Variants in FMNL2 observed in about 807,000 individuals in gnomAD.
FMNL2 encodes the protein formin like 2, also known as formin-like protein 2.
In FMNL2, 51 loss-of-function variants were observed where a neutral mutation model predicts 130.2. The ratio of observed to expected loss-of-function variants is 0.39; its 90% CI spans 0.31 to 0.49. The LOEUF is 0.49. Ranked by LOEUF, FMNL2 falls within the 20% of genes least tolerant of loss-of-function variation. The probability of loss-of-function intolerance (pLI) is 0.85; values close to 1 mark genes in which losing one functional copy is unlikely to be tolerated. For missense variants in FMNL2, 977 were observed against 1,316.2 expected (o/e 0.74, Z 3.99); for synonymous variants, 465 against 467.1 (o/e 1.00, Z 0.06).
chr2:152,441,635 G>A (rs1048377891), intron 1 of FMNL2, among the ~76,000 whole-genome samples: 1 of 152,080 alleles, frequency 6.6e-6, no homozygotes, highest in Non-Finnish European at 1.5e-5. Context: ...TCGGGAGTTC[G>A]AGAGCAGCTT....
intron 1 of FMNL2, among the ~76,000 whole-genome samples, chr2:152,501,704 AC>A (rs1040478202): frequency 6.7e-6 from 1 of 149,244 alleles, no homozygotes; most frequent in Non-Finnish European, 1.5e-5. Context: ...AATTTGCGTG[AC>A]TTTTTTTTTT....
chr2:152,611,022 T>A (rs1386731936), intron 10 of FMNL2, among the ~76,000 whole-genome samples: 1 of 152,162 alleles, frequency 6.6e-6, no homozygotes. Context: ...CTCTGTGACT[T>A]TTGAATTTAA....
intron 18 of FMNL2, 68 bp downstream of exon 18, chr2:152,628,601 C>T: frequency 7.2e-7 from 1 of 1,390,180 alleles, no homozygotes; most frequent in Non-Finnish European, 1.0e-6. Flanking sequence ...TTTAAAGTCT[C>T]TCCCAGAATC....
intron 1 of FMNL2, among the ~76,000 whole-genome samples, chr2:152,336,252 C>CA (rs1458043883): frequency 6.6e-6 from 1 of 152,116 alleles, no homozygotes; most frequent in Non-Finnish European, 1.5e-5. Context: ...TTGGAGGGCT[C>CA]ACGTCGCGGC....
chr2:152,416,931 G>A (rs1385562822), intron 1 of FMNL2, among the ~76,000 whole-genome samples: 1 of 152,174 alleles, frequency 6.6e-6, no homozygotes, highest in East Asian at 1.9e-4. Context: ...CACTGCTCGG[G>A]AAGAATAGTC....
intron 1 of FMNL2, among the ~76,000 whole-genome samples, chr2:152,401,630 T>C (rs1483558457): frequency 1.3e-5 from 2 of 152,172 alleles, no homozygotes; most frequent in African/African-American, 4.8e-5. Context: ...TATTTAGAGA[T>C]TGGCCTTGGA....
intron 1 of FMNL2, among the ~76,000 whole-genome samples, chr2:152,373,829 G>A (rs1684022650): frequency 6.6e-6 from 1 of 151,848 alleles, no homozygotes; most frequent in African/African-American, 2.4e-5. Flanking sequence ...AGAAATCTGG[G>A]ATGTAAGAGT....
chr2:152,562,701 C>T (rs1398408830), intron 6 of FMNL2, among the ~76,000 whole-genome samples: 2 of 152,136 alleles, frequency 1.3e-5, no homozygotes, highest in Non-Finnish European at 2.9e-5. Context: ...GCATCAGCTT[C>T]ACATGTGGGC....
chr2:152,530,858 A>G (rs910160564), intron 2 of FMNL2, among the ~76,000 whole-genome samples: 1 of 152,202 alleles, frequency 6.6e-6, no homozygotes, highest in Non-Finnish European at 1.5e-5. Flanking sequence ...GCAGAAATAC[A>G]AGGTAAGTTG....
At chr2:152,637,839 T>A (rs1682754393) in intron 23 of FMNL2, among the ~76,000 whole-genome samples, 165 bp downstream of exon 23, 4 of 152,194 alleles carry the variant, frequency 2.6e-5, no homozygotes, top group Admixed American at 1.3e-4. Flanking sequence ...TGAGGGACAT[T>A]ATGGTCCCTT....
chr2:152,516,219 C>T (rs985573862), intron 1 of FMNL2, among the ~76,000 whole-genome samples: 2 of 151,950 alleles, frequency 1.3e-5, no homozygotes, highest in African/African-American at 4.8e-5. Flanking sequence ...AGATCCGTTG[C>T]ACAATAATAT....
chr2:152,515,206 T>C (rs1038434518), intron 1 of FMNL2, among the ~76,000 whole-genome samples: 2 of 152,180 alleles, frequency 1.3e-5, no homozygotes, highest in Non-Finnish European at 2.9e-5. Context: ...CAAAAAGTAA[T>C]GGCTCCTTCT....
Position 152,402,182 on chromosome 2 carries a change from G to A in FMNL2, c.117+66462G>A, listed in dbSNP as rs952318562. On this transcript the variant is annotated intron_variant, in intron 1 of 25. Transcript: ENST00000288670. ...CTCCCAAAGTGCTGAGATTACAGGCGTGAGCCACTACGCCCGGCCGTGTTT... is the reference window on the plus strand; with the variant it reads ...CTCCCAAAGTGCTGAGATTACAGGCATGAGCCACTACGCCCGGCCGTGTTT... Among the ~76,000 whole-genome samples the A allele has an allele frequency of 8.5e-5, 13 of 152,196 alleles. No individual in the cohort carries two copies. The East Asian group carries it at 1.2e-3, about 14-fold the overall frequency.
At chr2:152,375,642 T>C (rs867130843) in intron 1 of FMNL2, among the ~76,000 whole-genome samples, 1 of 151,992 alleles carries the variant, frequency 6.6e-6, no homozygotes, top group South Asian at 2.1e-4. Context: ...CTTTTCTGTT[T>C]TAAGATTACA....
intron 8 of FMNL2, 59 bp downstream of exon 8, chr2:152,579,023 C>A: frequency 7.4e-7 from 1 of 1,345,866 alleles, no homozygotes; most frequent in South Asian, 1.3e-5. Flanking sequence ...GAGGGCTAGT[C>A]AACACTTAAC....
intron 10 of FMNL2, among the ~76,000 whole-genome samples, chr2:152,608,195 A>G (rs1265328259): frequency 6.6e-6 from 1 of 152,068 alleles, no homozygotes; most frequent in East Asian, 1.9e-4. Flanking sequence ...GGAGATCCTA[A>G]CCGGGCTGTA....
At chr2:152,496,334 A>G (rs528113803) in intron 1 of FMNL2, among the ~76,000 whole-genome samples, 21 of 152,304 alleles carry the variant, frequency 1.4e-4, no homozygotes, top group African/African-American at 5.1e-4. Flanking sequence ...TTTGGCAAGA[A>G]TATCGTGGAA....
At chr2:152,607,586 T>G in intron 10 of FMNL2, 173 bp downstream of exon 10, 1 of 552,266 alleles carries the variant, frequency 1.8e-6, no homozygotes, top group Non-Finnish European at 3.3e-6. Context: ...AATCTGTATT[T>G]CTCTTTGATT....
At chr2:152,589,733 C>T (rs1697280491) in intron 9 of FMNL2, among the ~76,000 whole-genome samples, 1 of 151,778 alleles carries the variant, frequency 6.6e-6, no homozygotes. Flanking sequence ...TTTTCAGTCT[C>T]CGGGCAGGAT....
Sources: gnomAD v4.1 joint callset for allele counts (sites outside exome capture counted in the v4.1 genomes callset) on GRCh38, gnomAD v4.1.1 for gene constraint, MANE v1.5 for transcripts, NCBI Gene and HGNC (gene_info 2026-07-23, HGNC 2026-07-21) for gene names.